Variants in PPFIBP2 observed in about 807,000 individuals in gnomAD.
PPFIBP2 encodes liprin-beta-2.
Under a neutral mutation model 118.3 loss-of-function variants are expected in PPFIBP2, and 118 were observed. The ratio of observed to expected loss-of-function variants is 1.00; its 90% CI spans 0.86 to 1.16. The LOEUF (loss-of-function observed/expected upper bound fraction) is 1.16, where lower values mean the gene tolerates loss of function less well. PPFIBP2 is among the 50% of genes most tolerant of loss of function. The probability of loss-of-function intolerance (pLI) is 0.00; values close to 1 mark genes in which losing one functional copy is unlikely to be tolerated. For synonymous variants in PPFIBP2, 414 were observed against 397.4 expected (o/e 1.04, Z -0.50); for missense variants, 1,195 against 1,073.1 (o/e 1.11, Z -1.59).
At position 7,609,935 on chromosome 11, in the gene PPFIBP2, G is replaced by A. The variant is rs946630908; in HGVS notation, c.487-356G>A. Among the ~76,000 whole-genome samples the A allele has an allele frequency of 5.9e-5, 9 of 152,158 alleles. No individual in the cohort carries two copies. In the East Asian group the frequency reaches 1.5e-3, roughly 26 times the overall value. On this transcript the variant is annotated intron_variant, in intron 5 of 23. Coordinates refer to ENST00000299492, the MANE Select transcript of PPFIBP2 (RefSeq NM_003621.5). Reference sequence around the variant, plus strand: ...AAAAAAATATATTGTTAACTTAAGCGAGGACCTACTGCTTTGTCTTTTAAA... The same window carrying A: ...AAAAAAATATATTGTTAACTTAAGCAAGGACCTACTGCTTTGTCTTTTAAA...
At chr11:7,646,340 A>C (rs1459959091) in intron 17 of PPFIBP2, among the ~76,000 whole-genome samples, 2 of 152,250 alleles carry the variant, frequency 1.3e-5, no homozygotes, top group African/African-American at 4.8e-5. Flanking sequence ...TATAAAAGAC[A>C]TTTGATAGAG....
chr11:7,628,400 G>T, intron 9 of PPFIBP2, 54 bp downstream of exon 9: 1 of 1,531,898 alleles, frequency 6.5e-7, no homozygotes, highest in Non-Finnish European at 9.0e-7. Flanking sequence ...CCCTGGCTGT[G>T]TTTGGTCCCT....
At chr11:7,639,595 A>G (rs7117472) in intron 14 of PPFIBP2, 137 bp from the exon 15 acceptor site, 26 of 1,103,946 alleles carry the variant, frequency 2.4e-5, no homozygotes, top group East Asian at 4.9e-5. Context: ...CTAGCTAAAT[A>G]ATCTTTGAGG....
chr11:7,602,538 G>A (rs958703589), intron 5 of PPFIBP2, among the ~76,000 whole-genome samples: 7 of 152,148 alleles, frequency 4.6e-5, no homozygotes, highest in African/African-American at 1.7e-4. Flanking sequence ...GATGCTACTC[G>A]GTGGATAAGA....
intron 1 of PPFIBP2, among the ~76,000 whole-genome samples, chr11:7,523,802 T>C (rs1323110227): frequency 6.6e-6 from 1 of 152,134 alleles, no homozygotes; most frequent in East Asian, 1.9e-4. Context: ...CTCCTGGGAA[T>C]AGGGAAGGAG....
At chr11:7,661,640 G>C (rs1281171719), downstream of PPFIBP2, among the ~76,000 whole-genome samples, 7 of 100,956 alleles carry the variant, frequency 6.9e-5, 2 homozygotes, top group South Asian at 2.0e-3. Flanking sequence ...TTGGGGTGGA[G>C]AGTTCTGTAG....
At chr11:7,628,082 A>G (rs1850261661) in intron 8 of PPFIBP2, among the ~76,000 whole-genome samples, 1 of 152,230 alleles carries the variant, frequency 6.6e-6, no homozygotes, top group Non-Finnish European at 1.5e-5. Context: ...GAGAAGACAG[A>G]GTACTAGCTT....
intron 3 of PPFIBP2, among the ~76,000 whole-genome samples, chr11:7,583,506 A>C (rs956341740): frequency 3.9e-5 from 6 of 152,152 alleles, no homozygotes; most frequent in Non-Finnish European, 8.8e-5. Context: ...GTCTTCAAAG[A>C]GTCTTCTCTT....
downstream of PPFIBP2, among the ~76,000 whole-genome samples, chr11:7,659,226 A>G (rs1180326872): frequency 6.0e-5 from 9 of 149,198 alleles, no homozygotes; most frequent in East Asian, 2.0e-4. Flanking sequence ...GCCCATGCCT[A>G]TGTCCTGAAT....
chr11:7,661,201 G>A (rs1249913221), downstream of PPFIBP2, among the ~76,000 whole-genome samples: 1 of 148,600 alleles, frequency 6.7e-6, no homozygotes, highest in East Asian at 2.0e-4. Context: ...TTTTGAATAT[G>A]TTTGCTCTTG....
In PPFIBP2 at chr11:7,642,295, C is replaced by G; in HGVS notation, c.1518-3C>G. ...CCGTCTCCATGGATTCTTCTCCATG[C>G]AGAATCCGAAGAACTCAGTCAGGAA... On this transcript the variant is annotated splice_region_variant and splice_polypyrimidine_tract_variant and intron_variant, in intron 16 of 23. Transcript: ENST00000299492. 1 of 1,613,798 alleles carries G rather than the reference C, an allele frequency of 6.2e-7. No homozygotes were observed. The highest frequency in any genetic ancestry group is 1.1e-5 in the South Asian group (1 of 91,038).
chr11:7,550,291 A>T (rs1464507209), intron 2 of PPFIBP2, among the ~76,000 whole-genome samples: 1 of 152,200 alleles, frequency 6.6e-6, no homozygotes, highest in Non-Finnish European at 1.5e-5. Context: ...CTTCTTTGGA[A>T]CTTTGCTCTT....
downstream of PPFIBP2, chr11:7,656,741 G>A (rs1240148393): frequency 7.8e-7 from 1 of 1,289,800 alleles, no homozygotes; most frequent in Non-Finnish European, 1.0e-6. Context: ...TGCTGAGCCA[G>A]GACCAGCTGC....
At chr11:7,622,212 AGAAAG>A (rs1849432200) in intron 7 of PPFIBP2, among the ~76,000 whole-genome samples, 1 of 152,222 alleles carries the variant, frequency 6.6e-6, no homozygotes, top group African/African-American at 2.4e-5. Flanking sequence ...AGCAAGTGAG[AGAAAG>A]GAGAGGAGGT....
At chr11:7,534,231 C>T (rs907805765) in intron 1 of PPFIBP2, among the ~76,000 whole-genome samples, 7 of 152,152 alleles carry the variant, frequency 4.6e-5, no homozygotes. Flanking sequence ...AGTCCACATC[C>T]CCAGGTGGTG....
chr11:7,600,757 T>G (rs1419570905), intron 5 of PPFIBP2, among the ~76,000 whole-genome samples: 8 of 152,238 alleles, frequency 5.3e-5, no homozygotes, highest in Non-Finnish European at 7.3e-5. Flanking sequence ...AGGCAGCAGC[T>G]GCTGTTCTAC....
chr11:7,578,460 T>C (rs935257893), intron 3 of PPFIBP2, among the ~76,000 whole-genome samples: 5 of 152,338 alleles, frequency 3.3e-5, no homozygotes, highest in Non-Finnish European at 7.3e-5. Context: ...GGCATGCAGA[T>C]GCCCGGACCC....
At chr11:7,662,302 T>C in the PPFIBP2 span, among the ~76,000 whole-genome samples, 1 of 152,236 alleles carries the variant, frequency 6.6e-6, no homozygotes, top group Non-Finnish European at 1.5e-5. Flanking sequence ...TTCCTTTCCA[T>C]GTTTAGCACT....
chr11:7,549,696 T>G (rs1852744324), intron 2 of PPFIBP2, among the ~76,000 whole-genome samples, 157 bp downstream of exon 2: 1 of 152,136 alleles, frequency 6.6e-6, no homozygotes, highest in South Asian at 2.1e-4. Flanking sequence ...TCTCTTTTTT[T>G]TCTTTGATAC....
Sources: allele counts gnomAD v4.1 joint callset (sites outside exome capture counted in the v4.1 genomes callset), GRCh38; gene constraint gnomAD v4.1.1; transcripts MANE v1.5; gene names NCBI Gene and HGNC (gene_info 2026-07-23, HGNC 2026-07-21).